Variants in CTNND2 observed in about 807,000 individuals in gnomAD.
The protein encoded by CTNND2 is catenin delta-2.
In CTNND2, 22 loss-of-function variants were observed where a neutral mutation model predicts 144.4. The observed-to-expected ratio is 0.15, with a 90% confidence interval of 0.11 to 0.22. CTNND2 has a LOEUF of 0.22. CTNND2 is among the 10% of genes least tolerant of loss of function. The pLI, the probability that CTNND2 is intolerant of heterozygous loss-of-function variation, is 1.00. For synonymous variants in CTNND2, 751 were observed against 695.6 expected (o/e 1.08, Z -1.25); for missense variants, 1,353 against 1,618.8 (o/e 0.84, Z 2.82).
At chr5:11,035,611 A>C (rs1442938505) in intron 16 of CTNND2, among the ~76,000 whole-genome samples, 1 of 152,250 alleles carries the variant, frequency 6.6e-6, no homozygotes, top group African/African-American at 2.4e-5. Context: ...CTTTGGGAGG[A>C]CATTATTCTG....
intron 1 of CTNND2, among the ~76,000 whole-genome samples, chr5:11,735,527 T>C (rs2126750754): frequency 1.3e-5 from 2 of 152,312 alleles, no homozygotes; most frequent in South Asian, 4.1e-4. Flanking sequence ...CTATGCAAGG[T>C]GATATGGTTT....
At chr5:11,330,673 A>G (rs1340735866) in intron 9 of CTNND2, among the ~76,000 whole-genome samples, 1 of 151,540 alleles carries the variant, frequency 6.6e-6, no homozygotes, top group Non-Finnish European at 1.5e-5. Context: ...TCTACTAAAA[A>G]TGCAAAATTT....
At chr5:11,680,982 G>A (rs1045884213) in intron 2 of CTNND2, among the ~76,000 whole-genome samples, 3 of 152,138 alleles carry the variant, frequency 2.0e-5, no homozygotes, top group African/African-American at 4.8e-5. Context: ...GGATACAGGA[G>A]GGTGGAGATC....
At chr5:11,818,814 T>A (rs1793156448) in intron 1 of CTNND2, among the ~76,000 whole-genome samples, 1 of 152,194 alleles carries the variant, frequency 6.6e-6, no homozygotes, top group Non-Finnish European at 1.5e-5. Flanking sequence ...CTCTGCCAGG[T>A]AACATGGAGC....
intron 3 of CTNND2, among the ~76,000 whole-genome samples, chr5:11,416,166 C>T (rs907314279): frequency 1.3e-5 from 2 of 151,986 alleles, no homozygotes; most frequent in Admixed American, 6.6e-5. Context: ...AAGGTGGTGC[C>T]GATTTTATGT....
chr5:11,641,793 TGTAC>T (rs199946513), intron 2 of CTNND2, among the ~76,000 whole-genome samples: 3 of 146,298 alleles, frequency 2.1e-5, no homozygotes, highest in South Asian at 2.2e-4. Context: ...TACATACACG[TGTAC>T]ATACACGTGT....
intron 2 of CTNND2, among the ~76,000 whole-genome samples, chr5:11,670,996 G>T (rs569832031): frequency 6.6e-6 from 1 of 152,278 alleles, no homozygotes; most frequent in South Asian, 2.1e-4. Flanking sequence ...CTCAGCATTT[G>T]CTTGTCTGTA....
chr5:11,233,716 C>CTG (rs3033106), intron 10 of CTNND2, among the ~76,000 whole-genome samples: 8,683 of 148,250 alleles, frequency 0.059, 292 homozygotes, highest in African/African-American at 0.076. Context: ...GTTTACGTGT[C>CTG]TGTGTGTGTG....
chr5:11,031,296 C>T (rs1009749848), intron 16 of CTNND2, among the ~76,000 whole-genome samples: 15 of 152,140 alleles, frequency 9.9e-5, no homozygotes, highest in South Asian at 4.2e-4. Context: ...AACAGATCCA[C>T]GATATTTAGA....
Position 11,392,042 on chromosome 5 carries a change from A to T in CTNND2, c.612+4989T>A, listed in dbSNP as rs61749819. ...GCTTTCTCTCTGCCCAATGGTCCCAAAATTATGGAGGAGGGGGAGAGAAAG... is the reference window on the plus strand; with the variant it reads ...GCTTTCTCTCTGCCCAATGGTCCCATAATTATGGAGGAGGGGGAGAGAAAG... On this transcript the variant is annotated intron_variant, in intron 6 of 21. Coordinates refer to ENST00000304623, the MANE Select transcript of CTNND2 (RefSeq NM_001332.4). Among the ~76,000 whole-genome samples the T allele has an allele frequency of 5.0e-3, 755 of 152,334 alleles. 7 individuals carry two copies. The highest frequency in any genetic ancestry group is 0.017 in the African/African-American group (723 of 41,574).
chr5:11,351,323 C>CA (rs1355916750), intron 8 of CTNND2, among the ~76,000 whole-genome samples: 1 of 152,166 alleles, frequency 6.6e-6, no homozygotes, highest in Non-Finnish European at 1.5e-5. Flanking sequence ...ACCTGCTCTA[C>CA]AAACAGCCCC....
At chr5:11,220,417 C>T (rs977486049) in intron 10 of CTNND2, among the ~76,000 whole-genome samples, 1 of 152,152 alleles carries the variant, frequency 6.6e-6, no homozygotes, top group Non-Finnish European at 1.5e-5. Flanking sequence ...GAAATGCAGA[C>T]AGGAGCTTCT....
In CTNND2 at chr5:11,322,411, C is replaced by G. The variant is rs576421648; in HGVS notation, c.1628+23961G>C. Among the ~76,000 whole-genome samples the G allele has an allele frequency of 4.2e-4, 64 of 152,264 alleles. No individual in the cohort carries two copies. In the South Asian group the frequency reaches 0.013, roughly 31 times the overall value. ...AGAATCTCTGTTGACATAATGAAAG[C>G]ATAGTTGCATAATAATATTATGCAA... On this transcript the variant is annotated intron_variant, in intron 9 of 21. Transcript: ENST00000304623.
intron 12 of CTNND2, among the ~76,000 whole-genome samples, chr5:11,142,436 T>C (rs1756822561): frequency 6.6e-6 from 1 of 152,088 alleles, no homozygotes; most frequent in African/African-American, 2.4e-5. Context: ...GGGGGATTCT[T>C]GAAGAGCCAG....
At chr5:11,208,194 C>T (rs1203263612) in intron 10 of CTNND2, among the ~76,000 whole-genome samples, 2 of 152,088 alleles carry the variant, frequency 1.3e-5, no homozygotes, top group Non-Finnish European at 2.9e-5. Flanking sequence ...CATGTATTTA[C>T]TGAAATACAT....
intron 12 of CTNND2, among the ~76,000 whole-genome samples, chr5:11,144,896 C>A (rs1484824403): frequency 6.6e-6 from 1 of 152,072 alleles, no homozygotes. Flanking sequence ...CCTTATCGTT[C>A]CCAACAGCTC....
chr5:11,872,222 T>C (rs1405002822), intron 1 of CTNND2, among the ~76,000 whole-genome samples: 1 of 152,222 alleles, frequency 6.6e-6, no homozygotes, highest in African/African-American at 2.4e-5. Flanking sequence ...TTCATCCTTT[T>C]TTATGGCTGT....
chr5:11,419,023 TATCTATATATAGATATATAGATAGAC>T lies in CTNND2; in HGVS notation c.288-6980_288-6955del, dbSNP rs1444193657. The stretch of plus-strand genomic sequence containing the variant: ...ATATATATATATCTATATAGATGTC[TATCTATATATAGATATATAGATAGAC>T]ATCTATATAGATATATATATAGAGA... On this transcript the variant is annotated intron_variant, in intron 3 of 21. Transcript: ENST00000304623. Among the ~76,000 whole-genome samples, 6 of 140,142 alleles carry T rather than the reference TATCTATATATAGATATATAGATAGAC, an allele frequency of 4.3e-5. No homozygotes were observed. The East Asian group carries it at 1.0e-3, about 24-fold the overall frequency. The allele number at this position is 140,142 out of a possible 152,430, so 91.9% of individuals were successfully genotyped here. A position where few individuals can be genotyped will look rare whatever the true frequency, so the allele number is the denominator to read the frequency against.
In CTNND2 at chr5:11,019,925, T is replaced by C. The variant is rs545835609; in HGVS notation, c.3000-1867A>G. Among the ~76,000 whole-genome samples the C allele has an allele frequency of 2.0e-5, 3 of 152,342 alleles. No individual in the cohort carries two copies. In the South Asian group the frequency reaches 6.2e-4, roughly 32 times the overall value. On this transcript the variant is annotated intron_variant, in intron 17 of 21. Coordinates refer to ENST00000304623, the MANE Select transcript of CTNND2 (RefSeq NM_001332.4). Reference sequence around the variant, plus strand: ...CATGATAGAATGTCCATAATGTATGTTTAAAATGATGTGAAAAGAATAAAT... The same window carrying C: ...CATGATAGAATGTCCATAATGTATGCTTAAAATGATGTGAAAAGAATAAAT...
Sources: allele counts gnomAD v4.1 joint callset (sites outside exome capture counted in the v4.1 genomes callset), GRCh38; gene constraint gnomAD v4.1.1; transcripts MANE v1.5; gene names NCBI Gene and HGNC (gene_info 2026-07-23, HGNC 2026-07-21).